P2RY8: variants seen among roughly 807,000 people sequenced by gnomAD.
P2RY8 encodes P2Y receptor family member 8, also known as S-geranylgeranyl-glutathione receptor P2RY8.
Under a neutral mutation model 10.0 loss-of-function variants are expected in P2RY8, and 6 were observed. The ratio of observed to expected loss-of-function variants is 0.60; its 90% CI spans 0.33 to 1.19. P2RY8 has a LOEUF of 1.19. Ranked by LOEUF, P2RY8 falls within the 50% of genes most tolerant of loss-of-function variation. The pLI is 0.04. For missense variants in P2RY8, 456 were observed against 542.0 expected, an observed-to-expected ratio of 0.84 and a Z score of 1.58; for synonymous variants, 276 against 252.5, an observed-to-expected ratio of 1.09 and a Z score of -0.88.
intron 1 of P2RY8, among the ~76,000 whole-genome samples, chrX:1,532,386 A>G (rs1381385332): frequency 6.7e-6 from 1 of 149,972 alleles, no homozygotes; most frequent in Non-Finnish European, 1.5e-5. Flanking sequence ...TGATGTGTGT[A>G]TATGCACATA....
intron 1 of P2RY8, among the ~76,000 whole-genome samples, chrX:1,522,039 G>A (rs1489115851): frequency 6.7e-5 from 8 of 120,190 alleles, no homozygotes; most frequent in Admixed American, 1.2e-4. Context: ...CGCAACCTCC[G>A]CCTCCCGGGT....
intron 1 of P2RY8, among the ~76,000 whole-genome samples, chrX:1,510,597 G>A (rs1463101074): frequency 1.3e-5 from 2 of 152,186 alleles, no homozygotes; most frequent in Non-Finnish European, 2.9e-5. Flanking sequence ...CCTTTTGACA[G>A]CCAGGCGCAG....
At chrX:1,525,927 T>C (rs2092436899) in intron 1 of P2RY8, among the ~76,000 whole-genome samples, 1 of 152,114 alleles carries the variant, frequency 6.6e-6, no homozygotes, top group Admixed American at 6.6e-5. Context: ...CATCCATCCA[T>C]CCATTCAGTC....
intron 1 of P2RY8, among the ~76,000 whole-genome samples, chrX:1,490,605 G>A (rs1366560046): frequency 1.4e-5 from 2 of 146,998 alleles, no homozygotes; most frequent in Non-Finnish European, 3.0e-5. Flanking sequence ...CCCTGCAAAT[G>A]TGGGGGGAAT....
intron 1 of P2RY8, among the ~76,000 whole-genome samples, chrX:1,471,162 C>T (rs113062382): frequency 0.43 from 64,808 of 151,426 alleles, 14,190 homozygotes; most frequent in South Asian, 0.62. Flanking sequence ...CATGCATCAC[C>T]GCACCCAGCT....
At chrX:1,482,214 A>G (rs117368320) in intron 1 of P2RY8, among the ~76,000 whole-genome samples, 62 of 149,658 alleles carry the variant, frequency 4.1e-4, no homozygotes, top group African/African-American at 1.5e-3. Context: ...TCTCAACAGC[A>G]GCAAAATCGG....
At chrX:1,500,236 C>G (rs1377561438) in intron 1 of P2RY8, among the ~76,000 whole-genome samples, 10 of 151,538 alleles carry the variant, frequency 6.6e-5, no homozygotes. Flanking sequence ...CTGTTTTATT[C>G]TTTTTGGTGT....
chrX:1,509,054 TGCA>T (rs1158144957), intron 1 of P2RY8, among the ~76,000 whole-genome samples: 8 of 148,462 alleles, frequency 5.4e-5, no homozygotes, highest in East Asian at 2.0e-4. Flanking sequence ...ATTCTATCTA[TGCA>T]TCTATCTATG....
intron 1 of P2RY8, among the ~76,000 whole-genome samples, chrX:1,520,071 C>T (rs1297205621): frequency 6.6e-6 from 1 of 151,448 alleles, no homozygotes; most frequent in Non-Finnish European, 1.5e-5. Flanking sequence ...CCCCAATATT[C>T]TCTCTGATCT....
chrX:1,506,726 G>A (rs1569537956), intron 1 of P2RY8, among the ~76,000 whole-genome samples: 2 of 151,174 alleles, frequency 1.3e-5, no homozygotes, highest in Middle Eastern at 3.5e-3. Flanking sequence ...CGCCCAGGCT[G>A]GAGTGCAGTG....
intron 1 of P2RY8, among the ~76,000 whole-genome samples, chrX:1,509,016 A>G: frequency 6.6e-6 from 1 of 150,680 alleles, no homozygotes; most frequent in Non-Finnish European, 1.5e-5. Flanking sequence ...CCATCCATCC[A>G]TCCATCCATC....
chrX:1,532,442 T>G (rs764587072), intron 1 of P2RY8, among the ~76,000 whole-genome samples: 4 of 54,926 alleles, frequency 7.3e-5, no homozygotes, highest in African/African-American at 2.0e-4. Flanking sequence ...TATATGTATA[T>G]ATGTATATGT....
intron 1 of P2RY8, among the ~76,000 whole-genome samples, chrX:1,476,447 C>A (rs1338355373): frequency 6.6e-6 from 1 of 151,560 alleles, no homozygotes; most frequent in Non-Finnish European, 1.5e-5. Context: ...ATTAGCCGGG[C>A]GTGGTGGCGG....
intron 1 of P2RY8, among the ~76,000 whole-genome samples, chrX:1,525,194 A>G (rs28626201): frequency 0.1 from 15,482 of 152,258 alleles, 900 homozygotes; most frequent in African/African-American, 0.12. Flanking sequence ...ATTTGTTTGG[A>G]GAGTGTTTTG....
chrX:1,495,606 T>G (rs1190780870), intron 1 of P2RY8, among the ~76,000 whole-genome samples: 1 of 143,128 alleles, frequency 7.0e-6, no homozygotes, highest in Non-Finnish European at 1.5e-5. Flanking sequence ...AGCTGCCCAG[T>G]CTATGGTATT....
chrX:1,515,803 G>A (rs765823632), intron 1 of P2RY8, among the ~76,000 whole-genome samples: 3 of 152,060 alleles, frequency 2.0e-5, no homozygotes, highest in African/African-American at 7.2e-5. Context: ...CTGTCAGGAG[G>A]TGAGAGCTCT....
chrX:1,522,710 G>A (rs1477660145), intron 1 of P2RY8, among the ~76,000 whole-genome samples: 1 of 152,024 alleles, frequency 6.6e-6, no homozygotes, highest in East Asian at 1.9e-4. Flanking sequence ...GTTAGAGGCT[G>A]CAGTGAGCTA....
chrX:1,497,221 CA>C (rs555047911), intron 1 of P2RY8, among the ~76,000 whole-genome samples: 2 of 84,524 alleles, frequency 2.4e-5, no homozygotes, highest in African/African-American at 4.3e-5. Context: ...GACTCCGTCT[CA>C]AAAAAAAAAA....
At position 1,534,183 on chromosome X, in the gene P2RY8, T is replaced by G. The variant is rs1380915164; in HGVS notation, c.-25+2738A>C. Among the ~76,000 whole-genome samples the G allele has an allele frequency of 2.5e-3, 342 of 139,458 alleles. 2 individuals carry two copies. The highest frequency in any genetic ancestry group is 8.8e-3 in the African/African-American group (332 of 37,736). 91.5% of individuals were successfully genotyped at this position (139,458 alleles called of 152,430 possible). A position where few individuals can be genotyped will look rare whatever the true frequency, so the allele number is the denominator to read the frequency against. On this transcript the variant is annotated intron_variant, in intron 1 of 1. Transcript: ENST00000381297. ...ACAATATATTTACATATATTATATA[T>G]TTATATATATTTACATATATATTTA...
Sources: gnomAD v4.1 joint callset for allele counts (sites outside exome capture counted in the v4.1 genomes callset) on GRCh38, gnomAD v4.1.1 for gene constraint, MANE v1.5 for transcripts, NCBI Gene and HGNC (gene_info 2026-07-23, HGNC 2026-07-21) for gene names.